The following OPN5 variants were observed in gnomAD, a reference collection of about 807,000 sequenced individuals.
The protein encoded by OPN5 is opsin 5.
OPN5 carries 18 observed loss-of-function variants against 41.7 expected under a neutral mutation model. The observed-to-expected ratio is 0.43, with a 90% CI of 0.30 to 0.64. The LOEUF is 0.64. Among genes scored for constraint, OPN5 ranks in the 30% least tolerant of loss-of-function variants. The pLI, the probability that OPN5 is intolerant of heterozygous loss-of-function variation, is 0.13. For synonymous variants in OPN5, 178 were observed against 164.3 expected (o/e 1.08, Z -0.64); for missense variants, 318 against 434.5 (o/e 0.73, Z 2.38).
At chr6:47,812,760 C>A (rs1762289985) in intron 6 of OPN5, among the ~76,000 whole-genome samples, 1 of 152,162 alleles carries the variant, frequency 6.6e-6, no homozygotes, top group South Asian at 2.1e-4. Context: ...ATCTACCTCC[C>A]CTTCTGCTAT....
intron 4 of OPN5, among the ~76,000 whole-genome samples, chr6:47,806,081 T>C (rs529819151): frequency 6.6e-6 from 1 of 151,940 alleles, no homozygotes; most frequent in East Asian, 1.9e-4. Flanking sequence ...GTCAACTTCA[T>C]AAAGCAGCCT....
At position 47,811,698 on chromosome 6, in the gene OPN5, GA is replaced by G; in HGVS notation, c.1025del (p.Lys342SerfsTer24). On this transcript the variant is annotated frameshift_variant, in exon 6 of 7. Coordinates refer to ENST00000371211, the Ensembl canonical transcript of OPN5. LOFTEE classifies it high-confidence loss of function. ...GGCTGCACACCGTAACCACAGTCAG[GA>G]AGTCTTCTGCTGTGCTGGAAATTCA... 1 of 1,612,628 alleles carries G rather than the reference GA, an allele frequency of 6.2e-7. No homozygotes were observed. The highest frequency in any genetic ancestry group is 8.5e-7 in the Non-Finnish European group (1 of 1,178,980).
intron 6 of OPN5, among the ~76,000 whole-genome samples, chr6:47,812,503 T>C (rs916492595): frequency 2.6e-5 from 4 of 152,170 alleles, no homozygotes; most frequent in African/African-American, 9.7e-5. Context: ...TCATCCTTTT[T>C]TTAAACAAAC....
At chr6:47,784,181 G>A (rs1167030590) in intron 1 of OPN5, among the ~76,000 whole-genome samples, 5 of 152,278 alleles carry the variant, frequency 3.3e-5, no homozygotes, top group South Asian at 2.1e-4. Context: ...GAACAGTCAC[G>A]CAGGGTGAGG....
Position 47,790,231 on chromosome 6 carries a change from C to A in OPN5, c.251-1571C>A, listed in dbSNP as rs140530731. Among the ~76,000 whole-genome samples the A allele has an allele frequency of 3.4e-3, 510 of 152,152 alleles. 3 individuals are homozygous for A. Among genetic ancestry groups the A allele is most frequent in the African/African-American group, 0.011 (457 of 41,522 alleles). On this transcript the variant is annotated intron_variant, in intron 2 of 6. Transcript: ENST00000371211. ...AAATTCCTAAACAATTTTTTTAAAA[C>A]AGTGAATTTTTTTCTTTGAAAAAGA...
chr6:47,815,184 C>A (rs777882771), intron 6 of OPN5, among the ~76,000 whole-genome samples: 8 of 152,076 alleles, frequency 5.3e-5, no homozygotes, highest in Non-Finnish European at 1.2e-4. Flanking sequence ...ACAGTAAAAT[C>A]CAAGTTTTTG....
intron 1 of OPN5, among the ~76,000 whole-genome samples, chr6:47,783,138 TG>T (rs1173553695): frequency 6.6e-6 from 1 of 152,150 alleles, no homozygotes; most frequent in Non-Finnish European, 1.5e-5. Context: ...CTCGCATTTC[TG>T]GCTTACATTA....
chr6:47,795,092 C>T (rs1773499475), intron 3 of OPN5, 137 bp from the exon 4 acceptor site: 1 of 689,444 alleles, frequency 1.5e-6, no homozygotes, highest in Non-Finnish European at 2.3e-6. Flanking sequence ...TCCACTCTCC[C>T]TCAGGCTTCA....
At chr6:47,795,416 C>T (rs1227388606) in exon 4 of OPN5, 14 of 1,614,058 alleles carry the variant, frequency 8.7e-6, no homozygotes, top group Non-Finnish European at 1.2e-5. Context: ...TCCTGAACAT[C>T]CTCTTCTTCT....
At chr6:47,819,336 A>AATATATATAT (rs1363402346) in intron 6 of OPN5, among the ~76,000 whole-genome samples, 6 of 24,320 alleles carry the variant, frequency 2.5e-4, no homozygotes, top group African/African-American at 8.4e-4. Flanking sequence ...GAAAATTAGG[A>AATATATATAT]ATATATATAT....
chr6:47,808,207 G>A (rs1774050731), exon 5 of OPN5: 1 of 1,613,654 alleles, frequency 6.2e-7, no homozygotes, highest in African/African-American at 1.3e-5. Context: ...CTTATGCAGT[G>A]GTGTCTGTGT....
At chr6:47,805,360 T>G (rs1773918934) in intron 4 of OPN5, among the ~76,000 whole-genome samples, 1 of 152,086 alleles carries the variant, frequency 6.6e-6, no homozygotes. Flanking sequence ...TGGGCTCACT[T>G]GATTGATTTC....
chr6:47,791,814 C>T (rs758572074), exon 3 of OPN5: 2 of 1,613,920 alleles, frequency 1.2e-6, no homozygotes, highest in South Asian at 1.1e-5. Context: ...GTAGGCAAGC[C>T]GTTCACCATC....
At chr6:47,820,133 TAG>T (rs5876036) in intron 6 of OPN5, among the ~76,000 whole-genome samples, 58,425 of 149,130 alleles carry the variant, frequency 0.39, 11,743 homozygotes, top group East Asian at 0.72. Context: ...TCCTTTTGAA[TAG>T]AGAGAGAGAG....
In OPN5 at chr6:47,798,488, G is replaced by A. The variant is rs112689810; in HGVS notation, c.756+2925G>A. On this transcript the variant is annotated intron_variant, in intron 4 of 6. Transcript: ENST00000371211. ...TCTAGACCAGATTAACCAAAGAAAT[G>A]TTAAATGAAGTGTAGGAATACATAT... Among the ~76,000 whole-genome samples, 416 of 151,572 alleles carry A rather than the reference G, an allele frequency of 2.7e-3. 2 individuals carry two copies. Among genetic ancestry groups the A allele is most frequent in the African/African-American group, 9.0e-3 (371 of 41,408 alleles).
intron 4 of OPN5, among the ~76,000 whole-genome samples, chr6:47,804,725 C>T (rs1773899717): frequency 6.6e-6 from 1 of 152,112 alleles, no homozygotes; most frequent in African/African-American, 2.4e-5. Context: ...AACTCAATTT[C>T]TAAGTCTTTC....
chr6:47,798,820 C>A (rs887142328), intron 4 of OPN5, among the ~76,000 whole-genome samples: 1 of 151,926 alleles, frequency 6.6e-6, no homozygotes, highest in African/African-American at 2.4e-5. Context: ...GTAGAAACTG[C>A]CTTATATTGG....
chr6:47,783,605 G>T (rs1773129958), intron 1 of OPN5, among the ~76,000 whole-genome samples: 1 of 152,084 alleles, frequency 6.6e-6, no homozygotes, highest in Non-Finnish European at 1.5e-5. Context: ...TGTTTTACTA[G>T]TTTAAATTCT....
intron 3 of OPN5, chr6:47,793,846 A>G (rs1387766427): frequency 1.2e-5 from 10 of 827,326 alleles, no homozygotes; most frequent in Non-Finnish European, 1.3e-5. Flanking sequence ...TCCCATGAAT[A>G]TATGTGATTA....
Sources: gnomAD v4.1 joint callset for allele counts (sites outside exome capture counted in the v4.1 genomes callset) on GRCh38, gnomAD v4.1.1 for gene constraint, MANE v1.5 for transcripts, NCBI Gene and HGNC (gene_info 2026-07-23, HGNC 2026-07-21) for gene names.